SND1: variants seen among roughly 807,000 people sequenced by gnomAD.
SND1 encodes the protein staphylococcal nuclease domain-containing protein 1.
SND1 carries 38 observed loss-of-function variants against 121.7 expected under a neutral mutation model. That is an observed-to-expected ratio of 0.31 (90% CI 0.24 to 0.41). SND1 has a LOEUF of 0.41. Among genes scored for constraint, SND1 ranks in the 10% least tolerant of loss-of-function variants. The pLI, the probability that SND1 is intolerant of heterozygous loss-of-function variation, is 1.00. For missense variants in SND1, 868 were observed against 1,184.6 expected (o/e 0.73, Z 3.92); for synonymous variants, 401 against 447.4 (o/e 0.90, Z 1.31).
intron 16 of SND1, among the ~76,000 whole-genome samples, chr7:128,001,761 G>T (rs1395808614): frequency 6.6e-6 from 1 of 152,062 alleles, no homozygotes; most frequent in Non-Finnish European, 1.5e-5. Flanking sequence ...GAGAAACCCC[G>T]TCTCTACTAA....
intron 10 of SND1, among the ~76,000 whole-genome samples, chr7:127,763,466 C>G (rs766293631): frequency 6.6e-6 from 1 of 152,092 alleles, no homozygotes; most frequent in Non-Finnish European, 1.5e-5. Flanking sequence ...CCTGCCTCAG[C>G]CTTTCAAGTA....
intron 10 of SND1, among the ~76,000 whole-genome samples, chr7:127,727,935 CA>C (rs1316035311): frequency 6.6e-6 from 1 of 151,960 alleles, no homozygotes; most frequent in Non-Finnish European, 1.5e-5. Context: ...ATCTGGGTAC[CA>C]ACACTTAAAA....
intron 1 of SND1, among the ~76,000 whole-genome samples, chr7:127,655,566 G>A (rs1795195777): frequency 6.6e-6 from 1 of 152,198 alleles, no homozygotes; most frequent in African/African-American, 2.4e-5. Context: ...AAGTATGTGG[G>A]TGGACAAAAT....
At chr7:128,030,577 C>T in intron 16 of SND1, 1 of 1,606,224 alleles carries the variant, frequency 6.2e-7, no homozygotes, top group Non-Finnish European at 8.5e-7. Context: ...GTGAGGTAGA[C>T]GAACGGGAGC....
chr7:128,046,352 T>G (rs1156844631), intron 16 of SND1, among the ~76,000 whole-genome samples: 2 of 149,948 alleles, frequency 1.3e-5, no homozygotes, highest in Non-Finnish European at 3.0e-5. Context: ...GTTTTTTTTT[T>G]GGTTGTTGTT....
At chr7:127,836,124 G>T (rs1046537089) in intron 11 of SND1, among the ~76,000 whole-genome samples, 1 of 152,092 alleles carries the variant, frequency 6.6e-6, no homozygotes, top group South Asian at 2.1e-4. Flanking sequence ...CTCCATGGAC[G>T]CCATATTCAG....
At chr7:127,663,154 T>C (rs1378541589) in intron 1 of SND1, among the ~76,000 whole-genome samples, 1 of 152,128 alleles carries the variant, frequency 6.6e-6, no homozygotes, top group Non-Finnish European at 1.5e-5. Flanking sequence ...CCAAAAGTGC[T>C]GGAATTACAG....
chr7:127,796,070 G>A (rs532569169), intron 10 of SND1, among the ~76,000 whole-genome samples: 43 of 151,886 alleles, frequency 2.8e-4, no homozygotes, highest in South Asian at 2.1e-3. Context: ...TGTTAGCCAG[G>A]ATGGTCTCGA....
chr7:127,852,798 G>A (rs567180250), intron 12 of SND1, among the ~76,000 whole-genome samples: 1 of 148,504 alleles, frequency 6.7e-6, no homozygotes, highest in Non-Finnish European at 1.5e-5. Context: ...GTGACAGAGC[G>A]AGACTTGGTC....
At chr7:127,822,777 C>T (rs1798573227) in intron 11 of SND1, among the ~76,000 whole-genome samples, 1 of 152,148 alleles carries the variant, frequency 6.6e-6, no homozygotes, top group Admixed American at 6.5e-5. Flanking sequence ...TTCTCCATGT[C>T]ATTAAATAGT....
chr7:127,784,686 C>A (rs776276249), intron 10 of SND1, among the ~76,000 whole-genome samples: 6 of 152,084 alleles, frequency 3.9e-5, no homozygotes, highest in Non-Finnish European at 8.8e-5. Context: ...TGTTCACAGT[C>A]CTGTATTTTT....
At chr7:127,663,551 G>A (rs1320545507) in intron 1 of SND1, among the ~76,000 whole-genome samples, 1 of 151,940 alleles carries the variant, frequency 6.6e-6, no homozygotes, top group African/African-American at 2.4e-5. Context: ...TTTGTTTTTT[G>A]TATTTTAGTA....
chr7:127,881,297 A>T (rs1334411923), intron 12 of SND1, among the ~76,000 whole-genome samples: 2 of 152,128 alleles, frequency 1.3e-5, no homozygotes, highest in Non-Finnish European at 2.9e-5. Flanking sequence ...TAATCATTCT[A>T]TGATTCCCTC....
rs375092938 is a variant in SND1, at chr7:128,022,085, T to C, written c.1779+31029T>C. Among the ~76,000 whole-genome samples the C allele has an allele frequency of 4.0e-5, 6 of 150,824 alleles. No homozygotes were observed. The East Asian group carries it at 9.8e-4, about 25-fold the overall frequency. On this transcript the variant is annotated intron_variant, in intron 16 of 23. Coordinates refer to ENST00000354725, the MANE Select transcript of SND1 (RefSeq NM_014390.4). ...CAGGCGTGGTGGTGCGCACCTGTAATCCCAGCAACTCGGGAAGCTGACGCC... is the reference window on the plus strand; with the variant it reads ...CAGGCGTGGTGGTGCGCACCTGTAACCCCAGCAACTCGGGAAGCTGACGCC...
At chr7:127,778,787 CT>C (rs1797667399) in intron 10 of SND1, among the ~76,000 whole-genome samples, 1 of 152,166 alleles carries the variant, frequency 6.6e-6, no homozygotes, top group African/African-American at 2.4e-5. Flanking sequence ...GTCACTCAGG[CT>C]TACTTAGTGG....
intron 11 of SND1, among the ~76,000 whole-genome samples, chr7:127,817,721 CTTTT>C (rs72233818): frequency 9.6e-6 from 1 of 104,072 alleles, no homozygotes; most frequent in Non-Finnish European, 1.9e-5. Context: ...TTCCTTCATA[CTTTT>C]TTTTTTTTTT....
intron 16 of SND1, among the ~76,000 whole-genome samples, chr7:128,003,584 G>A (rs1802887995): frequency 1.3e-5 from 2 of 152,156 alleles, no homozygotes; most frequent in South Asian, 4.1e-4. Flanking sequence ...TCTCTATAAT[G>A]CTTGCGGTGC....
chr7:127,770,298 T>TA (rs1423566337), intron 10 of SND1, among the ~76,000 whole-genome samples: 1 of 152,170 alleles, frequency 6.6e-6, no homozygotes, highest in African/African-American at 2.4e-5. Flanking sequence ...TACAAATAAA[T>TA]ACAATGTTTT....
chr7:127,947,812 CT>C (rs1801362039), intron 15 of SND1, among the ~76,000 whole-genome samples: 1 of 152,182 alleles, frequency 6.6e-6, no homozygotes, highest in Non-Finnish European at 1.5e-5. Flanking sequence ...GATTATGTCT[CT>C]TTTGCCCTCA....
Sources: allele counts gnomAD v4.1 joint callset (sites outside exome capture counted in the v4.1 genomes callset), GRCh38; gene constraint gnomAD v4.1.1; transcripts MANE v1.5; gene names NCBI Gene and HGNC (gene_info 2026-07-23, HGNC 2026-07-21).